SLC28A1: variants seen among roughly 807,000 people sequenced by gnomAD.
SLC28A1 encodes solute carrier family 28 member 1.
A neutral mutation model predicts 74.8 loss-of-function variants in SLC28A1; 64 were observed. The observed-to-expected ratio is 0.86, with a 90% CI of 0.70 to 1.05. The LOEUF is 1.05. Among genes scored for constraint, SLC28A1 ranks in the 50% least tolerant of loss-of-function variants. SLC28A1 has a pLI of 0.00. For synonymous variants in SLC28A1, 359 were observed against 335.0 expected, an observed-to-expected ratio of 1.07 and a Z score of -0.78; for missense variants, 828 against 822.8, an observed-to-expected ratio of 1.01 and a Z score of -0.08.
In SLC28A1 at chr15:84,928,546, C is replaced by G. The variant is rs1311425281; in HGVS notation, c.1083+4436C>G. Among the ~76,000 whole-genome samples, 2 of 20,284 alleles carry G rather than the reference C, an allele frequency of 9.9e-5. 1 individual carries two copies. The highest frequency in any genetic ancestry group is 8.8e-4 in the Admixed American group (2 of 2,280). 13.3% of individuals were successfully genotyped at this position (20,284 alleles called of 152,430 possible). A position where few individuals can be genotyped will look rare whatever the true frequency, so the allele number is the denominator to read the frequency against. The stretch of plus-strand genomic sequence containing the variant: ...TCGTTCGTTCTTTCTTTCTTTCTTT[C>G]TTTCTTTCTTTCTTTCTTTCTTTCT... On this transcript the variant is annotated intron_variant, in intron 12 of 18. Transcript: ENST00000394573.
rs796642056 is a variant in SLC28A1 at position 84,886,805 on chromosome 15, C to A, written c.-17+18C>A. ...GCAAATACGTGAGTAGAAACAGGGCCCCGCTTCTGTGTGCGCTGCTGTGCG... is the reference window on the plus strand; with the variant it reads ...GCAAATACGTGAGTAGAAACAGGGCACCGCTTCTGTGTGCGCTGCTGTGCG... On this transcript the variant is annotated intron_variant, in intron 2 of 18. Transcript: ENST00000394573. 3.9e-5 allele frequency: 38 copies of A among 979,662 alleles called. No homozygotes were observed. In the African/African-American group the frequency reaches 6.5e-4, roughly 17 times the overall value. 60.7% of individuals were successfully genotyped at this position (979,662 alleles called of 1,614,324 possible).
chr15:84,912,220 C>T (rs1968363650), intron 9 of SLC28A1, among the ~76,000 whole-genome samples: 1 of 152,188 alleles, frequency 6.6e-6, no homozygotes, highest in African/African-American at 2.4e-5. Flanking sequence ...GGGATTTGCC[C>T]TCAAGGTAGG....
chr15:84,912,797 T>TGCGCGCGCGCGTGCGCGCGCGC (rs148740007), intron 9 of SLC28A1, among the ~76,000 whole-genome samples: 1 of 118,174 alleles, frequency 8.5e-6, no homozygotes, highest in African/African-American at 3.3e-5. Context: ...TGCCAAATTT[T>TGCGCGCGCGCGTGCGCGCGCGC]GCGCGCGCGC....
chr15:84,921,827 CA>C (rs1392250550), intron 11 of SLC28A1, among the ~76,000 whole-genome samples: 3 of 151,934 alleles, frequency 2.0e-5, no homozygotes, highest in Non-Finnish European at 4.4e-5. Flanking sequence ...GATAAACTGT[CA>C]AAAAAATCCC....
rs759911365 is a variant in SLC28A1 at position 84,945,132 on chromosome 15, C to A, written c.1882C>A (p.Pro628Thr). Residue 628 changes from proline to threonine, a missense_variant, in exon 19 of 19, where the codon CCA (proline) becomes ACA (threonine). By Grantham distance (38) the Pro-to-Thr change is conservative (BLOSUM62 -1). This residue lies in a region of SLC28A1 where 53 missense variants were observed against 44.5 expected (regional missense o/e 1.19). Coordinates refer to ENST00000394573, the MANE Select transcript of SLC28A1 (RefSeq NM_004213.5). ...CCREAFQSVN[P>T]EFSPEALDNC... ...TCTTTGCTTTCTTTTTAGCGTCAAT[C>A]CAGAGTTCAGCCCAGAGGCCCTGGA... The A allele has an allele frequency of 6.2e-7, 1 of 1,614,042 alleles. No individual in the cohort carries two copies. The highest frequency in any genetic ancestry group is 8.5e-7 in the Non-Finnish European group (1 of 1,179,966).
chr15:84,933,811 T>C (rs11635673), intron 13 of SLC28A1, among the ~76,000 whole-genome samples: 137,501 of 152,260 alleles, frequency 0.9, 62,319 homozygotes, highest in African/African-American at 0.98. Context: ...CCCATCTCTA[T>C]TTAAAATACA....
chr15:84,973,707 C>T, the SLC28A1 span, among the ~76,000 whole-genome samples: 5 of 152,182 alleles, frequency 3.3e-5, no homozygotes, highest in Admixed American at 2.0e-4. Flanking sequence ...ATTATACGCT[C>T]GCGTAGTTGC....
chr15:84,942,109 G>A (rs1172309823), intron 15 of SLC28A1, among the ~76,000 whole-genome samples: 1 of 152,052 alleles, frequency 6.6e-6, no homozygotes, highest in Non-Finnish European at 1.5e-5. Flanking sequence ...TATATAGTGT[G>A]AGGGGAGGCT....
In SLC28A1 at chr15:84,892,419, C is replaced by G. The variant is rs75719247; in HGVS notation, c.277+1885C>G. On this transcript the variant is annotated intron_variant, in intron 5 of 18. Coordinates refer to ENST00000394573, the MANE Select transcript of SLC28A1 (RefSeq NM_004213.5). ...GTCCACCTTTGGCAGGGTCTGAAGC[C>G]AGGGCCATCTCTGTTTCCTTGGCTG... is the stretch of plus-strand genomic sequence containing the variant. Among the ~76,000 whole-genome samples, 1,073 of 152,242 alleles carry G rather than the reference C, an allele frequency of 7.0e-3. 35 individuals carry two copies. In the East Asian group the frequency reaches 0.1, roughly 15 times the overall value.
intron 6 of SLC28A1, 123 bp downstream of exon 6, chr15:84,895,246 G>A (rs1051464781): frequency 1.7e-5 from 26 of 1,569,214 alleles, no homozygotes; most frequent in African/African-American, 1.1e-4. Flanking sequence ...ACTCTCTGGC[G>A]CCCCAGGGCA....
At chr15:84,906,079 G>T (rs1369953456) in intron 8 of SLC28A1, among the ~76,000 whole-genome samples, 2 of 150,664 alleles carry the variant, frequency 1.3e-5, no homozygotes, top group African/African-American at 4.9e-5. Context: ...GAGTGCAGTG[G>T]TGCAATCTTG....
At chr15:84,929,868 A>G (rs994668620) in intron 12 of SLC28A1, among the ~76,000 whole-genome samples, 1 of 152,070 alleles carries the variant, frequency 6.6e-6, no homozygotes, top group African/African-American at 2.4e-5. Flanking sequence ...TGGGTCAGAG[A>G]GAGAAGGGTT....
At chr15:84,974,103 T>C in the SLC28A1 span, among the ~76,000 whole-genome samples, 1 of 152,080 alleles carries the variant, frequency 6.6e-6, no homozygotes, top group Non-Finnish European at 1.5e-5. Context: ...GAGGGTCACT[T>C]TGGATTAAGA....
chr15:84,969,819 A>G, the SLC28A1 span, among the ~76,000 whole-genome samples: 18 of 152,294 alleles, frequency 1.2e-4, no homozygotes, highest in African/African-American at 4.3e-4. Context: ...GGTCCTGGCT[A>G]TGCCACACAT....
chr15:84,907,839 G>C lies in SLC28A1; in HGVS notation c.718-879G>C, dbSNP rs535965999. ...AATGTGCACACCTGCTGGCCTCACT[G>C]ACAGTAACTGTACAGGGTGTGGAGG... On this transcript the variant is annotated intron_variant, in intron 8 of 18. Coordinates refer to ENST00000394573, the MANE Select transcript of SLC28A1 (RefSeq NM_004213.5). Among the ~76,000 whole-genome samples, 3 of 151,274 alleles carry C rather than the reference G, an allele frequency of 2.0e-5. No homozygotes were observed. In the East Asian group the frequency reaches 5.9e-4, roughly 30 times the overall value.
the SLC28A1 span, among the ~76,000 whole-genome samples, chr15:84,972,574 C>T: frequency 6.6e-6 from 1 of 152,212 alleles, no homozygotes; most frequent in South Asian, 2.1e-4. Flanking sequence ...TCATCACCTT[C>T]ACAATAATCT....
downstream of SLC28A1, among the ~76,000 whole-genome samples, chr15:84,950,591 T>C (rs192896584): frequency 7.2e-4 from 110 of 152,158 alleles, no homozygotes; most frequent in African/African-American, 2.4e-3. Flanking sequence ...CAAGCAGTCC[T>C]AGATACTCAC....
intron 9 of SLC28A1, among the ~76,000 whole-genome samples, chr15:84,910,626 G>T (rs568821832): frequency 6.6e-6 from 1 of 152,210 alleles, no homozygotes; most frequent in Non-Finnish European, 1.5e-5. Context: ...TACTTGGGAG[G>T]CTGAGGCAGG....
chr15:84,925,152 C>T (rs1207564517), intron 12 of SLC28A1, among the ~76,000 whole-genome samples: 1 of 147,060 alleles, frequency 6.8e-6, no homozygotes, highest in Admixed American at 7.1e-5. Flanking sequence ...ATCTCCTGAC[C>T]TTGTGATCTG....
Sources: allele counts gnomAD v4.1 joint callset (sites outside exome capture counted in the v4.1 genomes callset), GRCh38; gene constraint gnomAD v4.1.1; regional missense constraint gnomAD v4.1.1; transcripts MANE v1.5; gene names NCBI Gene and HGNC (gene_info 2026-07-23, HGNC 2026-07-21).